The following SLC9C1 variants were observed in gnomAD, a reference collection of about 807,000 sequenced individuals.
SLC9C1 encodes sodium/hydrogen exchanger 10.
SLC9C1 carries 97 observed loss-of-function variants against 140.9 expected under a neutral mutation model. That is an observed-to-expected ratio of 0.69 (90% CI 0.58 to 0.82). The LOEUF (loss-of-function observed/expected upper bound fraction) is 0.82. Ranked by LOEUF, SLC9C1 falls within the 40% of genes least tolerant of loss-of-function variation. The probability of loss-of-function intolerance (pLI) is 0.00; values close to 1 mark genes in which losing one functional copy is unlikely to be tolerated. For missense variants in SLC9C1, 1,340 were observed against 1,389.3 expected, an observed-to-expected ratio of 0.96 and a Z score of 0.56; for synonymous variants, 440 against 442.6, an observed-to-expected ratio of 0.99 and a Z score of 0.07.
intron 6 of SLC9C1, 129 bp from the exon 7 acceptor site, chr3:112,270,206 G>C (rs958567842): frequency 1.2e-6 from 1 of 855,262 alleles, no homozygotes; most frequent in African/African-American, 1.8e-5. Flanking sequence ...GAACATGAGA[G>C]TGCAGATATC....
chr3:112,289,986 C>T (rs1453689917), intron 1 of SLC9C1, among the ~76,000 whole-genome samples: 2 of 152,276 alleles, frequency 1.3e-5, no homozygotes, highest in African/African-American at 2.4e-5. Flanking sequence ...GTACTGGGAA[C>T]TCTAAAAGCT....
At chr3:112,178,813 G>T (rs757025730) in intron 23 of SLC9C1, among the ~76,000 whole-genome samples, 1 of 152,042 alleles carries the variant, frequency 6.6e-6, no homozygotes, top group Non-Finnish European at 1.5e-5. Context: ...TTTTATTAGC[G>T]ATGGCACAAT....
chr3:112,155,199 G>T, intron 26 of SLC9C1, 150 bp from the exon 27 acceptor site: 1 of 589,294 alleles, frequency 1.7e-6, no homozygotes, highest in Non-Finnish European at 2.8e-6. Context: ...TAAAAAAAAG[G>T]GTCACATTTA....
intron 13 of SLC9C1, among the ~76,000 whole-genome samples, chr3:112,226,724 C>A (rs570644919): frequency 6.2e-4 from 3 of 4,862 alleles, no homozygotes; most frequent in Admixed American, 8.5e-3. Flanking sequence ...TCCATCCCCC[C>A]CCATCCCCCC....
At chr3:112,185,889 C>T (rs2077528997) in intron 20 of SLC9C1, 1 of 1,585,862 alleles carries the variant, frequency 6.3e-7, no homozygotes, top group Admixed American at 1.7e-5. Flanking sequence ...CGGCAGGGGG[C>T]TCTCAGCCAC....
At chr3:112,163,384 T>A (rs1399133642) in intron 26 of SLC9C1, among the ~76,000 whole-genome samples, 1 of 149,438 alleles carries the variant, frequency 6.7e-6, no homozygotes, top group African/African-American at 2.4e-5. Flanking sequence ...TTTTGGATCT[T>A]TCCTGCTTTC....
chr3:112,240,524 G>T (rs4505669), intron 11 of SLC9C1, among the ~76,000 whole-genome samples: 89,920 of 151,982 alleles, frequency 0.59, 27,117 homozygotes, highest in East Asian at 0.79. Flanking sequence ...CATCCAATCT[G>T]TTGGAGGCCT....
chr3:112,230,951 T>G (rs1483380631), intron 13 of SLC9C1, among the ~76,000 whole-genome samples: 1 of 152,176 alleles, frequency 6.6e-6, no homozygotes, highest in Admixed American at 6.6e-5. Context: ...CTGGCTTGGA[T>G]CCAGAGATGG....
In SLC9C1 at chr3:112,180,553, C is replaced by T. The variant is rs747543357; in HGVS notation, c.2748+11G>A. Reference sequence around the variant, plus strand: ...CAAAAAAACAAAACAAAACAAAAACCTCTGCCTTACCTTTACCATGCCTGA... The same window carrying T: ...CAAAAAAACAAAACAAAACAAAAACTTCTGCCTTACCTTTACCATGCCTGA... On this transcript the variant is annotated intron_variant, in intron 22 of 28. Transcript: ENST00000305815. 13 of 1,587,270 alleles carry T rather than the reference C, an allele frequency of 8.2e-6. No individual in the cohort carries two copies. The highest frequency in any genetic ancestry group is 8.5e-7 in the Non-Finnish European group (1 of 1,170,944).
At position 112,204,271 on chromosome 3, in the gene SLC9C1, C is replaced by A. The variant is rs778463600; in HGVS notation, c.2119G>T (p.Val707Leu). 2 of 1,549,130 alleles carry A rather than the reference C, an allele frequency of 1.3e-6. No homozygotes were observed. Among genetic ancestry groups the A allele is most frequent in the Admixed American group, 4.4e-5 (2 of 45,656 alleles). Residue 707 changes from valine to leucine, a missense_variant, in exon 17 of 29, where the codon GTA (valine) becomes TTA (leucine). Val to Leu is a conservative substitution (Grantham distance 32, BLOSUM62 1). Coordinates refer to ENST00000305815, the MANE Select transcript of SLC9C1 (RefSeq NM_183061.3). ...TGAACAACTTTTATAAAGACTATTA[C>A]TTCAGTCTCATTAAAAATATACTTA... Reference protein sequence around the residue: ...TIKYIFNETEVIVFIKVVQFF... With the variant: ...TIKYIFNETELIVFIKVVQFF...
intron 13 of SLC9C1, among the ~76,000 whole-genome samples, chr3:112,229,740 C>A (rs1471089488): frequency 6.6e-6 from 1 of 151,754 alleles, no homozygotes; most frequent in African/African-American, 2.4e-5. Flanking sequence ...AGGGATATTA[C>A]AAAAATTGGT....
At chr3:112,214,771 A>G (rs1260117193) in intron 15 of SLC9C1, among the ~76,000 whole-genome samples, 1 of 152,240 alleles carries the variant, frequency 6.6e-6, no homozygotes, top group Non-Finnish European at 1.5e-5. Context: ...GCCGAATTCT[A>G]CCAGAGGTAC....
At chr3:112,171,027 A>G (rs1160263398) in intron 23 of SLC9C1, among the ~76,000 whole-genome samples, 1 of 152,134 alleles carries the variant, frequency 6.6e-6, no homozygotes, top group Non-Finnish European at 1.5e-5. Flanking sequence ...CAGCCTAGCC[A>G]ACATGGCGAA....
intron 12 of SLC9C1, among the ~76,000 whole-genome samples, chr3:112,238,565 G>T (rs563638243): frequency 1.1e-3 from 163 of 152,306 alleles, no homozygotes; most frequent in African/African-American, 3.8e-3. Flanking sequence ...TTTCTGTTCT[G>T]TTTTTTCCCC....
At chr3:112,185,798 C>T in intron 20 of SLC9C1, 1 of 1,561,362 alleles carries the variant, frequency 6.4e-7, no homozygotes, top group South Asian at 1.2e-5. Context: ...GAGAGGGCAC[C>T]AGACGCTGGT....
At position 112,155,383 on chromosome 3, in the gene SLC9C1, A is replaced by G. The variant is rs552978015; in HGVS notation, c.3365-334T>C. On this transcript the variant is annotated intron_variant, in intron 26 of 28. Coordinates refer to ENST00000305815, the MANE Select transcript of SLC9C1 (RefSeq NM_183061.3). ...ATAAGGATACATAAGAAAGCAAAAG[A>G]ATTAAGATCCATGTCTTCTAGGAGT... 5.9e-5 allele frequency among the ~76,000 whole-genome samples: 9 copies of G among 152,298 alleles called. No individual in the cohort carries two copies. The East Asian group carries it at 1.7e-3, about 29-fold the overall frequency.
chr3:112,203,371 G>T (rs981230602), intron 17 of SLC9C1, among the ~76,000 whole-genome samples: 13 of 152,084 alleles, frequency 8.5e-5, no homozygotes, highest in African/African-American at 3.1e-4. Context: ...GCCTTCCTCA[G>T]GTAAATTGTA....
intron 20 of SLC9C1, among the ~76,000 whole-genome samples, chr3:112,195,212 T>C (rs1248707355): frequency 6.6e-6 from 1 of 152,170 alleles, no homozygotes; most frequent in Non-Finnish European, 1.5e-5. Flanking sequence ...ATCCAATATT[T>C]TGAAGTTTTA....
chr3:112,173,338 T>C (rs1219827302), intron 23 of SLC9C1, among the ~76,000 whole-genome samples: 1 of 152,194 alleles, frequency 6.6e-6, no homozygotes, highest in Non-Finnish European at 1.5e-5. Context: ...GTAAATTACA[T>C]TTCGCAGGGA....
Sources: allele counts gnomAD v4.1 joint callset (sites outside exome capture counted in the v4.1 genomes callset), GRCh38; gene constraint gnomAD v4.1.1; transcripts MANE v1.5; gene names NCBI Gene and HGNC (gene_info 2026-07-23, HGNC 2026-07-21).